Variants in IGSF3 observed in about 807,000 individuals in gnomAD.
IGSF3 encodes the protein glu-Trp-Ile EWI motif-containing protein 3.
Under a neutral mutation model 114.4 loss-of-function variants are expected in IGSF3, and 23 were observed. The ratio of observed to expected loss-of-function variants is 0.20; its 90% CI spans 0.14 to 0.28. IGSF3 has a LOEUF of 0.28. Ranked by LOEUF, IGSF3 falls within the 10% of genes least tolerant of loss-of-function variation. The pLI is 1.00. For missense variants in IGSF3, 1,172 were observed against 1,591.5 expected, an observed-to-expected ratio of 0.74 and a Z score of 4.48; for synonymous variants, 571 against 645.2, an observed-to-expected ratio of 0.88 and a Z score of 1.74.
intron 4 of IGSF3, among the ~76,000 whole-genome samples, chr1:116,609,240 A>C (rs752892154): frequency 6.6e-6 from 1 of 151,814 alleles, no homozygotes; most frequent in Non-Finnish European, 1.5e-5. Context: ...TGTTTTTTTA[A>C]TTTTTATTTA....
In IGSF3 at chr1:116,629,752, T is replaced by C. The variant is rs1306320198; in HGVS notation, c.44-13295A>G. ...ATGCACAAGGGCCTGGTTGAACAGG[T>C]TTGACCTCATTTACTTTTTCTTAAA... On this transcript the variant is annotated intron_variant, in intron 2 of 10. Transcript: ENST00000369486. This position sits in a 1 kb window ranked among gnomAD's most constrained non-coding sequence, Gnocchi z 4.3. 6.6e-6 allele frequency among the ~76,000 whole-genome samples: 1 copy of C among 152,352 alleles called. No individual in the cohort carries two copies.
chr1:116,590,795 G>C (rs1660076212), intron 7 of IGSF3, among the ~76,000 whole-genome samples: 1 of 151,850 alleles, frequency 6.6e-6, no homozygotes, highest in Admixed American at 6.6e-5. Context: ...ACTTGTGAAA[G>C]CCACAGACTG....
chr1:116,621,804 T>A (rs1661429056), intron 2 of IGSF3, among the ~76,000 whole-genome samples: 1 of 152,274 alleles, frequency 6.6e-6, no homozygotes, highest in East Asian at 1.9e-4. Context: ...AGCAAGGTCC[T>A]GTCCTTTTAG....
Position 116,625,638 on chromosome 1 carries a change from G to T in IGSF3, c.44-9181C>A, listed in dbSNP as rs1484188256. Among the ~76,000 whole-genome samples, 2 of 152,214 alleles carry T rather than the reference G, an allele frequency of 1.3e-5. No homozygotes were observed. The highest frequency in any genetic ancestry group is 2.4e-5 in the African/African-American group (1 of 41,436). On this transcript the variant is annotated intron_variant, in intron 2 of 10. Coordinates refer to ENST00000369486, the MANE Select transcript of IGSF3 (RefSeq NM_001007237.3). This position sits in a 1 kb window ranked among gnomAD's most constrained non-coding sequence, Gnocchi z 4.7. ...AGGTGGAGGACAGAGCAGAGGGCAG[G>T]ACTGGAAGCAGACAGACCAAATTCA...
chr1:116,631,332 A>C (rs1465781807), intron 2 of IGSF3, among the ~76,000 whole-genome samples: 1 of 151,632 alleles, frequency 6.6e-6, no homozygotes, highest in African/African-American at 2.4e-5. Flanking sequence ...AAAAAAAAAA[A>C]AAAAAAAAAG....
At chr1:116,622,543 A>G (rs1379563146) in intron 2 of IGSF3, among the ~76,000 whole-genome samples, 1 of 152,094 alleles carries the variant, frequency 6.6e-6, no homozygotes, top group Non-Finnish European at 1.5e-5. Context: ...CTGAATGGTG[A>G]GAATTTGAGT....
rs1647643916 is a variant in IGSF3, at chr1:116,632,645, A to AATCC, written c.44-16192_44-16189dup. ...CAAACTTAAGAAAAGCATTAAAGGA[A>AATCC]ATCCATGCTCTGGAGGGGAGAAAGA... On this transcript the variant is annotated intron_variant, in intron 2 of 10. Transcript: ENST00000369486. This position sits in a 1 kb window ranked among gnomAD's most constrained non-coding sequence, Gnocchi z 5.1. Among the ~76,000 whole-genome samples, 2 of 152,202 alleles carry AATCC rather than the reference A, an allele frequency of 1.3e-5. No individual in the cohort carries two copies. Among genetic ancestry groups the AATCC allele is most frequent in the Admixed American group, 6.5e-5 (1 of 15,284 alleles).
At chr1:116,639,566 G>A (rs1647989212) in intron 2 of IGSF3, among the ~76,000 whole-genome samples, 1 of 152,142 alleles carries the variant, frequency 6.6e-6, no homozygotes, top group Non-Finnish European at 1.5e-5. Flanking sequence ...CTCCTTTCAT[G>A]CTCTTCTTAC....
At position 116,579,600 on chromosome 1, in the gene IGSF3, A is replaced by G; in HGVS notation, c.3126T>C (p.Phe1042=). ...ALLSVGPDAV[F]GPEGSPWEGR... ...CCTCCCAAGGACTGCCCTCTGGGCC[A>G]AAGACAGCATCTGGGCCCACGCTCA... Residue 1042 remains phenylalanine, a synonymous_variant, in exon 10 of 11, where the codon TTT becomes TTC. Coordinates refer to ENST00000369486, the MANE Select transcript of IGSF3 (RefSeq NM_001007237.3). The surrounding 1 kb of genome is among the most constrained non-coding windows in gnomAD (Gnocchi z 6.4). 6.2e-7 allele frequency: 1 copy of G among 1,614,142 alleles called. No homozygotes were observed.
At chr1:116,641,470 T>C (rs1571183640) in intron 2 of IGSF3, among the ~76,000 whole-genome samples, 1 of 112,430 alleles carries the variant, frequency 8.9e-6, no homozygotes, top group Non-Finnish European at 1.6e-5. Context: ...CACTCTAGCA[T>C]GGGCAACAGG....
At position 116,647,994 on chromosome 1, in the gene IGSF3, C is replaced by T. The variant is rs1367814897; in HGVS notation, c.43+18290G>A. ...TGGCACACGCCTGTAATCCTAGTTACTCGGGAGGCTGAGGCAGGAGAATCG... is the reference window on the plus strand; with the variant it reads ...TGGCACACGCCTGTAATCCTAGTTATTCGGGAGGCTGAGGCAGGAGAATCG... On this transcript the variant is annotated intron_variant, in intron 2 of 10. Coordinates refer to ENST00000369486, the MANE Select transcript of IGSF3 (RefSeq NM_001007237.3). The surrounding 1 kb of genome is among the most constrained non-coding windows in gnomAD (Gnocchi z 4.6). Among the ~76,000 whole-genome samples, 2 of 152,136 alleles carry T rather than the reference C, an allele frequency of 1.3e-5. No homozygotes were observed. Among genetic ancestry groups the T allele is most frequent in the Non-Finnish European group, 2.9e-5 (2 of 68,026 alleles).
chr1:116,579,733 C>T lies in IGSF3; in HGVS notation c.2993G>A (p.Gly998Glu), dbSNP rs141418874. 1.7e-4 allele frequency: 281 copies of T among 1,614,108 alleles called. 4 individuals carry two copies. The South Asian group carries it at 2.8e-3, about 16-fold the overall frequency. The change falls in exon 10 of 11, where the codon GGG becomes GAG. Residue 998 changes from glycine (G) to glutamate (E), a missense_variant. Physicochemically the swap from Gly to Glu is moderately conservative, Grantham distance 98. Around this residue, in one of 3 missense-constraint regions of IGSF3, gnomAD observed 423 missense variants for 509.8 expected, o/e 0.83. Coordinates refer to ENST00000369486, the MANE Select transcript of IGSF3 (RefSeq NM_001007237.3). This position sits in a 1 kb window ranked among gnomAD's most constrained non-coding sequence, Gnocchi z 6.4. ...CAGGCCAGGGCTGCTCCTTTTCCCCCCAGCTTTAGTCCTCAGGGAATACCA... is the reference window on the plus strand; with the variant it reads ...CAGGCCAGGGCTGCTCCTTTTCCCCTCAGCTTTAGTCCTCAGGGAATACCA... ...VAWYSLRTKA[G>E]GKRSSPGLEE... is the part of the protein sequence containing the mutation.
In IGSF3 at chr1:116,579,613, G is replaced by T. The variant is rs753407901; in HGVS notation, c.3113C>A (p.Pro1038Gln). The T allele has an allele frequency of 6.2e-7, 1 of 1,614,098 alleles. No individual in the cohort carries two copies. Among genetic ancestry groups the T allele is most frequent in the Non-Finnish European group, 8.5e-7 (1 of 1,180,032 alleles). ...GCCCTCTGGGCCAAAGACAGCATCT[G>T]GGCCCACGCTCAGCAGGGCCGTCCG... Reference protein sequence around the residue: ...TERTALLSVGPDAVFGPEGSP... With the variant: ...TERTALLSVGQDAVFGPEGSP... Residue 1038 changes from proline (P) to glutamine (Q), a missense_variant, in exon 10 of 11, where the codon CCA becomes CAA. By Grantham distance (76) the Pro-to-Gln change is moderately conservative (BLOSUM62 -1). Coordinates refer to ENST00000369486, the MANE Select transcript of IGSF3 (RefSeq NM_001007237.3). This position sits in a 1 kb window ranked among gnomAD's most constrained non-coding sequence, Gnocchi z 6.4.
chr1:116,588,559 C>T lies in IGSF3; in HGVS notation c.2440+135G>A, dbSNP rs4081620. The T allele has an allele frequency of 1.0e-5, 8 of 789,442 alleles. No homozygotes were observed. The highest frequency in any genetic ancestry group is 7.4e-5 in the South Asian group (4 of 54,126). The allele number at this position is 789,442 out of a possible 1,614,324, so 48.9% of individuals were successfully genotyped here. A position where few individuals can be genotyped will look rare whatever the true frequency, so the allele number is the denominator to read the frequency against. Reference sequence around the variant, plus strand: ...ATTGCAGTGTGCTAGGGTGATGGTCCGTGTACCTGCACCCATACTCAGCAT... The same window carrying T: ...ATTGCAGTGTGCTAGGGTGATGGTCTGTGTACCTGCACCCATACTCAGCAT... On this transcript the variant is annotated intron_variant, in intron 8 of 10. Transcript: ENST00000369486. The surrounding 1 kb of genome is among the most constrained non-coding windows in gnomAD (Gnocchi z 4.9).
chr1:116,581,320 C>CTTTTTTTTT (rs955415319), intron 9 of IGSF3, among the ~76,000 whole-genome samples: 3 of 70,592 alleles, frequency 4.2e-5, no homozygotes, highest in African/African-American at 1.1e-4. Flanking sequence ...GTTTTGCTGT[C>CTTTTTTTTT]TTTTTTTTTT....
rs191245605 is a variant in IGSF3, at chr1:116,657,216, C to T, written c.43+9068G>A. Among the ~76,000 whole-genome samples the T allele has an allele frequency of 2.8e-3, 421 of 152,298 alleles. 4 individuals are homozygous for T. The highest frequency in any genetic ancestry group is 4.2e-3 in the Non-Finnish European group (284 of 68,036). The stretch of plus-strand genomic sequence containing the variant: ...GATAGGGTAGGTGTGATCTGACCCA[C>T]AGCAAATGATGGCTGCTCAACTCTG... On this transcript the variant is annotated intron_variant, in intron 2 of 10. Coordinates refer to ENST00000369486, the MANE Select transcript of IGSF3 (RefSeq NM_001007237.3). The surrounding 1 kb of genome is among the most constrained non-coding windows in gnomAD (Gnocchi z 4.2).
At position 116,648,934 on chromosome 1, in the gene IGSF3, T is replaced by C. The variant is rs1319538933; in HGVS notation, c.43+17350A>G. 6.6e-6 allele frequency among the ~76,000 whole-genome samples: 1 copy of C among 152,042 alleles called. No individual in the cohort carries two copies. Among genetic ancestry groups the C allele is most frequent in the Non-Finnish European group, 1.5e-5 (1 of 68,006 alleles). The stretch of plus-strand genomic sequence containing the variant: ...GATGTAAACCTGCCCCCAGAAACAC[T>C]GAGAGTCCTAGAGGTAGAATGAGTC... On this transcript the variant is annotated intron_variant, in intron 2 of 10. Transcript: ENST00000369486. This position sits in a 1 kb window ranked among gnomAD's most constrained non-coding sequence, Gnocchi z 4.7.
In IGSF3 at chr1:116,657,229, C is replaced by T. The variant is rs1470939624; in HGVS notation, c.43+9055G>A. ...TGATCTGACCCACAGCAAATGATGGCTGCTCAACTCTGCATCTCCTTTCCT... is the reference window on the plus strand; with the variant it reads ...TGATCTGACCCACAGCAAATGATGGTTGCTCAACTCTGCATCTCCTTTCCT... On this transcript the variant is annotated intron_variant, in intron 2 of 10. Transcript: ENST00000369486. This position sits in a 1 kb window ranked among gnomAD's most constrained non-coding sequence, Gnocchi z 4.2. Among the ~76,000 whole-genome samples the T allele has an allele frequency of 2.0e-5, 3 of 152,158 alleles. No individual in the cohort carries two copies. Among genetic ancestry groups the T allele is most frequent in the Non-Finnish European group, 4.4e-5 (3 of 68,038 alleles).
In IGSF3 at chr1:116,608,261, T is replaced by C. The variant is rs780030590; in HGVS notation, c.903A>G (p.Arg301=). Residue 301 remains arginine (R), a synonymous_variant, in exon 5 of 11, where the codon AGA becomes AGG. Coordinates refer to ENST00000369486, the MANE Select transcript of IGSF3 (RefSeq NM_001007237.3). The part of the protein sequence containing the change: ...LHTVGEPVEF[R]CILEAQNVPD... ...GAACATTCTGAGCCTCCAGGATGCA[T>C]CTGAACTCCACCGGCTCGCCCACCG... 17 of 1,612,556 alleles carry C rather than the reference T, an allele frequency of 1.1e-5. No individual in the cohort carries two copies. Among genetic ancestry groups the C allele is most frequent in the Admixed American group, 3.3e-5 (2 of 59,944 alleles).
Sources: allele counts gnomAD v4.1 joint callset (sites outside exome capture counted in the v4.1 genomes callset), GRCh38; gene constraint gnomAD v4.1.1; regional missense constraint gnomAD v4.1.1; non-coding constraint Gnocchi (gnomAD v3.1); transcripts MANE v1.5; gene names NCBI Gene and HGNC (gene_info 2026-07-23, HGNC 2026-07-21).